The following MGST1 variants were observed in gnomAD, a reference collection of about 807,000 sequenced individuals.
MGST1 encodes the protein microsomal glutathione S-transferase 1.
A neutral mutation model predicts 8.9 loss-of-function variants in MGST1; 5 were observed. That is an observed-to-expected ratio of 0.56 (90% confidence interval 0.29 to 1.19). MGST1 has a LOEUF of 1.19. Ranked by LOEUF, MGST1 falls within the 50% of genes most tolerant of loss-of-function variation. MGST1 has a pLI of 0.08. For synonymous variants in MGST1, 54 were observed against 67.8 expected, an observed-to-expected ratio of 0.80 and a Z score of 1.00; for missense variants, 182 against 187.4, an observed-to-expected ratio of 0.97 and a Z score of 0.17.
At chr12:16,449,832 T>C (rs750170965) in intron 4 of MGST1, among the ~76,000 whole-genome samples, 1 of 151,936 alleles carries the variant, frequency 6.6e-6, no homozygotes, top group Non-Finnish European at 1.5e-5. Flanking sequence ...CGTTCTTCAT[T>C]AGTTAACAGT....
At chr12:16,359,340 C>T (rs768432786) in intron 3 of MGST1, among the ~76,000 whole-genome samples, 7 of 152,178 alleles carry the variant, frequency 4.6e-5, no homozygotes, top group Non-Finnish European at 8.8e-5. Context: ...CTTGCTCATG[C>T]AAAACAATTC....
chr12:16,515,316 A>G (rs1005296734), intron 4 of MGST1, among the ~76,000 whole-genome samples: 1 of 152,130 alleles, frequency 6.6e-6, no homozygotes, highest in Non-Finnish European at 1.5e-5. Context: ...ATCCCATTCT[A>G]CCGCATGATT....
chr12:16,587,018 A>G lies in MGST1; in HGVS notation n.483-2510A>G. Among the ~76,000 whole-genome samples the G allele has an allele frequency of 6.6e-6, 1 of 152,200 alleles. No individual in the cohort carries two copies. Among genetic ancestry groups the G allele is most frequent in the African/African-American group, 2.4e-5 (1 of 41,446 alleles). On this transcript the variant is annotated intron_variant and non_coding_transcript_variant, in intron 4 of 4. Coordinates refer to the MGST1 transcript ENST00000538857. The surrounding 1 kb of genome is among the most constrained non-coding windows in gnomAD (Gnocchi z 4.3). ...TTCTGTACTCCTCTAAAAATCCAAC[A>G]TATCTCGTCACATCTCATATTTGGT...
rs961276212 is a variant in MGST1 at position 16,413,774 on chromosome 12, T to A, written n.779-23614T>A. On this transcript the variant is annotated intron_variant and non_coding_transcript_variant, in intron 1 of 1. Transcript: ENST00000359720. This position sits in a 1 kb window ranked among gnomAD's most constrained non-coding sequence, Gnocchi z 4.0. ...AGTATTTGTTTACATTTGTTTCCAC[T>A]TCTAGACTATGCAATTAATAGTGTT... is the stretch of plus-strand genomic sequence containing the variant. 6.6e-6 allele frequency among the ~76,000 whole-genome samples: 1 copy of A among 152,206 alleles called. No individual in the cohort carries two copies. Among genetic ancestry groups the A allele is most frequent in the African/African-American group, 2.4e-5 (1 of 41,442 alleles).
chr12:16,563,835 AG>A (rs952932241), intron 4 of MGST1, among the ~76,000 whole-genome samples: 5 of 152,218 alleles, frequency 3.3e-5, no homozygotes, highest in African/African-American at 9.6e-5. Flanking sequence ...ATTTACGGTA[AG>A]GAAAAAAATA....
At chr12:16,473,403 CACAA>C (rs1941300597) in intron 4 of MGST1, among the ~76,000 whole-genome samples, 2 of 152,242 alleles carry the variant, frequency 1.3e-5, no homozygotes, top group South Asian at 4.2e-4. Context: ...GTATTAGAAA[CACAA>C]ACACAGAGAG....
chr12:16,388,354 G>T (rs1304429295), intron 1 of MGST1, among the ~76,000 whole-genome samples: 1 of 152,114 alleles, frequency 6.6e-6, no homozygotes, highest in East Asian at 1.9e-4. Context: ...GTGGGTGTCA[G>T]TGAGTGAGTG....
In MGST1 at chr12:16,582,639, C is replaced by T. The variant is rs1203231062; in HGVS notation, n.483-6889C>T. On this transcript the variant is annotated intron_variant and non_coding_transcript_variant, in intron 4 of 4. Coordinates refer to the MGST1 transcript ENST00000538857. The surrounding 1 kb of genome is among the most constrained non-coding windows in gnomAD (Gnocchi z 4.1). The stretch of plus-strand genomic sequence containing the variant: ...TCACAATAAGAGGAGGGATTGAAAC[C>T]ATGAGGACAAATAACATCTCCTAGG... Among the ~76,000 whole-genome samples, 3 of 152,266 alleles carry T rather than the reference C, an allele frequency of 2.0e-5. No individual in the cohort carries two copies. The highest frequency in any genetic ancestry group is 2.1e-4 in the South Asian group (1 of 4,826).
At chr12:16,524,484 C>T (rs1375493593) in intron 4 of MGST1, among the ~76,000 whole-genome samples, 1 of 152,004 alleles carries the variant, frequency 6.6e-6, no homozygotes, top group East Asian at 1.9e-4. Flanking sequence ...GCCAAGCAAC[C>T]ATATCCACCA....
intron 1 of MGST1, among the ~76,000 whole-genome samples, chr12:16,414,650 C>G (rs1047302488): frequency 6.6e-6 from 1 of 151,924 alleles, no homozygotes; most frequent in African/African-American, 2.4e-5. Flanking sequence ...CTCCTGACCT[C>G]GTGATCCACC....
intron 4 of MGST1, among the ~76,000 whole-genome samples, chr12:16,572,339 C>CTTTTTTTTTTTT (rs59773866): frequency 3.4e-5 from 3 of 89,530 alleles, no homozygotes; most frequent in Non-Finnish European, 6.2e-5. Context: ...GGTCCAAACT[C>CTTTTTTTTTTTT]TTTTTTTTTT....
chr12:16,429,262 T>C (rs1940919308), intron 1 of MGST1, among the ~76,000 whole-genome samples: 1 of 152,152 alleles, frequency 6.6e-6, no homozygotes, highest in African/African-American at 2.4e-5. Context: ...TCAAAGCAGT[T>C]TTCCTTCAAT....
At chr12:16,556,024 G>A (rs1003059228) in intron 4 of MGST1, among the ~76,000 whole-genome samples, 4 of 151,814 alleles carry the variant, frequency 2.6e-5, no homozygotes, top group Non-Finnish European at 5.9e-5. Context: ...TGTCTCTCCC[G>A]TAGCTCCGGA....
At position 16,401,092 on chromosome 12, in the gene MGST1, T is replaced by G. The variant is rs1230309334; in HGVS notation, n.778+17488T>G. The G allele has an allele frequency of 1.9e-6, 3 of 1,591,630 alleles. No individual in the cohort carries two copies. Among genetic ancestry groups the G allele is most frequent in the Non-Finnish European group, 2.6e-6 (3 of 1,160,220 alleles). ...TCCCAAAAGGTCCTCTGCCTCATCT[T>G]TCTCCTCCTCCTCCTTTTCCTCATC... is the stretch of plus-strand genomic sequence containing the variant. On this transcript the variant is annotated intron_variant and non_coding_transcript_variant, in intron 1 of 1. Coordinates refer to the MGST1 transcript ENST00000359720. The surrounding 1 kb of genome is among the most constrained non-coding windows in gnomAD (Gnocchi z 4.3).
At chr12:16,564,550 T>C (rs533588433) in intron 4 of MGST1, among the ~76,000 whole-genome samples, 2 of 152,334 alleles carry the variant, frequency 1.3e-5, no homozygotes, top group East Asian at 1.9e-4. Flanking sequence ...TGAGTGTTCA[T>C]TGTATTAGTG....
At chr12:16,471,147 C>A (rs561399769) in intron 4 of MGST1, among the ~76,000 whole-genome samples, 1 of 152,252 alleles carries the variant, frequency 6.6e-6, no homozygotes, top group South Asian at 2.1e-4. Context: ...AATGGAAGAG[C>A]GGACTTAAAA....
intron 1 of MGST1, among the ~76,000 whole-genome samples, chr12:16,391,803 C>T (rs1940555591): frequency 6.6e-6 from 1 of 152,172 alleles, no homozygotes; most frequent in Admixed American, 6.5e-5. Flanking sequence ...GCATCTTCAT[C>T]ATGAAATTTT....
exon 2 of MGST1, chr12:16,437,717 G>A (rs1425144705): frequency 1.3e-5 from 2 of 151,982 alleles, no homozygotes; most frequent in Non-Finnish European, 2.9e-5. Flanking sequence ...CATGCCCTGA[G>A]GCAAGAAATC....
Position 16,453,765 on chromosome 12 carries a change from C to G in MGST1, n.482+70161C>G, listed in dbSNP as rs528179632. 5.3e-5 allele frequency among the ~76,000 whole-genome samples: 8 copies of G among 151,976 alleles called. No homozygotes were observed. In the South Asian group the frequency reaches 1.7e-3, roughly 31 times the overall value. ...GACTTGTAGAAGCTTACCCTCATCT[C>G]TGCCTTCATCTTCGCCTGGCATTTT... On this transcript the variant is annotated intron_variant and non_coding_transcript_variant, in intron 4 of 4. Transcript: ENST00000538857.
Sources: gnomAD v4.1 joint callset for allele counts (sites outside exome capture counted in the v4.1 genomes callset) on GRCh38, gnomAD v4.1.1 for gene constraint, Gnocchi (gnomAD v3.1) non-coding constraint, MANE v1.5 for transcripts, NCBI Gene and HGNC (gene_info 2026-07-23, HGNC 2026-07-21) for gene names.